ACP3: variants seen among roughly 807,000 people sequenced by gnomAD.
ACP3 encodes prostatic acid phosphatase.
A neutral mutation model predicts 45.6 loss-of-function variants in ACP3; 38 were observed. The observed-to-expected ratio is 0.83, with a 90% CI of 0.64 to 1.09. The LOEUF (loss-of-function observed/expected upper bound fraction) is 1.09, where lower values mean the gene tolerates loss of function less well. ACP3 is among the 50% of genes least tolerant of loss of function. ACP3 has a pLI of 0.00. For missense variants in ACP3, 466 were observed against 463.2 expected (o/e 1.01, Z -0.05); for synonymous variants, 162 against 164.7 (o/e 0.98, Z 0.13).
At chr3:132,353,443 G>T (rs1937807465) in intron 9 of ACP3, among the ~76,000 whole-genome samples, 1 of 152,210 alleles carries the variant, frequency 6.6e-6, no homozygotes, top group African/African-American at 2.4e-5. Context: ...GGGAAGAATT[G>T]ATTATCACAC....
At chr3:132,348,774 A>G (rs1346733720) in intron 7 of ACP3, among the ~76,000 whole-genome samples, 2 of 152,188 alleles carry the variant, frequency 1.3e-5, no homozygotes, top group Non-Finnish European at 2.9e-5. Flanking sequence ...TATCTTATAG[A>G]AAGAGCAGAT....
downstream of ACP3, among the ~76,000 whole-genome samples, chr3:132,363,759 G>A (rs1487740139): frequency 6.6e-6 from 1 of 151,786 alleles, no homozygotes; most frequent in Non-Finnish European, 1.5e-5. Flanking sequence ...CCAACAAGGT[G>A]AAACCCCATC....
chr3:132,364,506 TG>T (rs1938097819), intron 10 of ACP3, among the ~76,000 whole-genome samples: 1 of 152,258 alleles, frequency 6.6e-6, no homozygotes, highest in Admixed American at 6.5e-5. Context: ...TTACTCACCT[TG>T]CAGGTCAGCT....
In ACP3 at chr3:132,352,822, G is replaced by C; in HGVS notation, c.967G>C (p.Gly323Arg). 7 of 1,598,700 alleles carry C rather than the reference G, an allele frequency of 4.4e-6. No individual in the cohort carries two copies. Among genetic ancestry groups the C allele is most frequent in the Non-Finnish European group, 6.0e-6 (7 of 1,166,090 alleles). ...CTTGACGGAATTGTACTTTGAGAAGGGGTAAGTGACTAAGTGCTTTTCAAA... is the reference window on the plus strand; with the variant it reads ...CTTGACGGAATTGTACTTTGAGAAGCGGTAAGTGACTAAGTGCTTTTCAAA... ...CHLTELYFEK[G>R]EYFVEMYYRN... is the part of the protein sequence containing the mutation. The change falls in exon 9 of 10, where the codon GGG becomes CGG. Residue 323 changes from glycine to arginine, a missense_variant and splice_region_variant. Physicochemically the swap from Gly to Arg is moderately radical, Grantham distance 125. Coordinates refer to ENST00000336375, the MANE Select transcript of ACP3 (RefSeq NM_001099.5).
At chr3:132,325,950 C>T (rs112500393) in intron 1 of ACP3, among the ~76,000 whole-genome samples, 5 of 152,260 alleles carry the variant, frequency 3.3e-5, no homozygotes, top group African/African-American at 1.2e-4. Flanking sequence ...GTTTCCAGGA[C>T]AAAGTGAGTG....
chr3:132,323,895 T>C (rs974722109), intron 1 of ACP3, among the ~76,000 whole-genome samples: 5 of 152,210 alleles, frequency 3.3e-5, no homozygotes, highest in African/African-American at 1.2e-4. Context: ...TGATAATTGT[T>C]GGAGACAGTG....
intron 7 of ACP3, among the ~76,000 whole-genome samples, chr3:132,349,696 C>T (rs570646096): frequency 4.6e-5 from 7 of 151,972 alleles, no homozygotes; most frequent in Non-Finnish European, 1.5e-5. Flanking sequence ...CTTAAGATTC[C>T]TTACCTAAAA....
chr3:132,359,377 G>A (rs536315336), downstream of ACP3, among the ~76,000 whole-genome samples: 35 of 152,198 alleles, frequency 2.3e-4, no homozygotes, highest in East Asian at 4.1e-3. Flanking sequence ...GCATGGTGGC[G>A]GGCACCTGTA....
At chr3:132,345,870 C>T (rs908776422) in intron 7 of ACP3, among the ~76,000 whole-genome samples, 15 of 152,118 alleles carry the variant, frequency 9.9e-5, no homozygotes, top group Non-Finnish European at 2.2e-4. Flanking sequence ...GATGGGCAGG[C>T]CAAGATACCA....
At chr3:132,347,967 C>A (rs1218701139) in intron 7 of ACP3, among the ~76,000 whole-genome samples, 2 of 152,098 alleles carry the variant, frequency 1.3e-5, no homozygotes, top group Non-Finnish European at 1.5e-5. Flanking sequence ...TGGCAAACTA[C>A]TGCCTGTATG....
chr3:132,332,073 C>A, intron 3 of ACP3, 119 bp from the exon 4 acceptor site: 2 of 1,147,458 alleles, frequency 1.7e-6, no homozygotes, highest in South Asian at 1.4e-5. Context: ...GATGTTAGCA[C>A]AATGTCTGTA....
chr3:132,328,958 A>G (rs1466130263), intron 2 of ACP3, among the ~76,000 whole-genome samples: 1 of 152,214 alleles, frequency 6.6e-6, no homozygotes, highest in African/African-American at 2.4e-5. Context: ...CAAAGTGCTG[A>G]TATCAGAATA....
downstream of ACP3, among the ~76,000 whole-genome samples, chr3:132,361,497 G>T (rs1194535211): frequency 6.6e-6 from 1 of 152,104 alleles, no homozygotes; most frequent in Admixed American, 6.5e-5. Flanking sequence ...TCAGTCACAT[G>T]GTTTTTTCAT....
rs2107820455 is a variant in ACP3 at position 132,358,281 on chromosome 3, A to T, written c.*1403A>T. 1.8e-6 allele frequency: 2 copies of T among 1,105,374 alleles called. No homozygotes were observed. The highest frequency in any genetic ancestry group is 4.5e-5 in the South Asian group (2 of 44,514). The allele number at this position is 1,105,374 out of a possible 1,614,324, so 68.5% of individuals were successfully genotyped here. A position where few individuals can be genotyped will look rare whatever the true frequency, so the allele number is the denominator to read the frequency against. On this transcript the variant is annotated 3_prime_UTR_variant, in exon 10 of 10. Coordinates refer to ENST00000336375, the MANE Select transcript of ACP3 (RefSeq NM_001099.5). ...CAAACTGAAACAAAATTAGAAATGT[A>T]ATTATGTTCTAAGTGCCTCCAAGTT...
chr3:132,352,700 A>G lies in ACP3; in HGVS notation c.865-20A>G. ...AATGTGAATCTGAACAGGCGATAAA[A>G]TTGATTTCAATCTCTGTAGCATGAC... is the stretch of plus-strand genomic sequence containing the variant. On this transcript the variant is annotated intron_variant, in intron 8 of 9. Transcript: ENST00000336375. 1 of 1,566,532 alleles carries G rather than the reference A, an allele frequency of 6.4e-7. No individual in the cohort carries two copies. The highest frequency in any genetic ancestry group is 2.2e-5 in the East Asian group (1 of 44,604).
At chr3:132,367,798 G>A in exon 11 of ACP3, 1 of 1,613,318 alleles carries the variant, frequency 6.2e-7, no homozygotes, top group Non-Finnish European at 8.5e-7. Flanking sequence ...TCTGCTGGCA[G>A]AGAGAATCCT....
exon 11 of ACP3, chr3:132,368,236 A>G (rs1435757477): frequency 6.3e-6 from 1 of 159,974 alleles, no homozygotes; most frequent in Non-Finnish European, 1.4e-5. Flanking sequence ...GTATTATTAT[A>G]CAGGGTGATT....
intron 4 of ACP3, 164 bp from the exon 5 acceptor site, chr3:132,337,292 T>G (rs946645430): frequency 4.0e-6 from 2 of 506,086 alleles, no homozygotes; most frequent in African/African-American, 3.8e-5. Context: ...TATAGATCAT[T>G]TGATTCTTTC....
chr3:132,364,550 T>C (rs1036020546), intron 10 of ACP3, among the ~76,000 whole-genome samples: 1 of 152,264 alleles, frequency 6.6e-6, no homozygotes, highest in African/African-American at 2.4e-5. Context: ...ACTCTTTCTC[T>C]TTCAAATAGA....
Sources: gnomAD v4.1 joint callset for allele counts (sites outside exome capture counted in the v4.1 genomes callset) on GRCh38, gnomAD v4.1.1 for gene constraint, MANE v1.5 for transcripts, NCBI Gene and HGNC (gene_info 2026-07-23, HGNC 2026-07-21) for gene names.